The following ATP6V0A4 variants were observed in gnomAD, a reference collection of about 807,000 sequenced individuals.
The protein encoded by ATP6V0A4 is ATPase H+ transporting V0 subunit a4, also known as V-type proton ATPase 116 kDa subunit a 4.
Under a neutral mutation model 107.3 loss-of-function variants are expected in ATP6V0A4, and 86 were observed. The observed-to-expected ratio is 0.80, with a 90% CI of 0.67 to 0.96. ATP6V0A4 has a LOEUF of 0.96. ATP6V0A4 is among the 40% of genes least tolerant of loss of function. The pLI, the probability that ATP6V0A4 is intolerant of heterozygous loss-of-function variation, is 0.00. For missense variants in ATP6V0A4, 908 were observed against 1,045.6 expected, an observed-to-expected ratio of 0.87 and a Z score of 1.81; for synonymous variants, 353 against 381.4, an observed-to-expected ratio of 0.93 and a Z score of 0.87.
chr7:138,787,768 C>A (rs7801970), intron 1 of ATP6V0A4, among the ~76,000 whole-genome samples: 87,352 of 151,988 alleles, frequency 0.57, 25,431 homozygotes, highest in African/African-American at 0.64. Flanking sequence ...GAGACTGAGG[C>A]GGAAGGATCG....
At chr7:138,745,002 C>T (rs1182055211) in intron 14 of ATP6V0A4, 121 bp downstream of exon 14, 1 of 936,638 alleles carries the variant, frequency 1.1e-6, no homozygotes, top group East Asian at 2.4e-5. Context: ...TGAGCCTGGC[C>T]TATTTGAATT....
chr7:138,737,937 T>A (rs1166765751), intron 15 of ATP6V0A4, among the ~76,000 whole-genome samples: 1 of 151,934 alleles, frequency 6.6e-6, no homozygotes, highest in African/African-American at 2.4e-5. Context: ...AATTTCTGTA[T>A]TTTTAGTGGA....
intron 2 of ATP6V0A4, among the ~76,000 whole-genome samples, chr7:138,784,241 T>TATATATATATACATATATATATATAC (rs1808057984): frequency 2.5e-5 from 1 of 39,514 alleles, no homozygotes; most frequent in African/African-American, 7.5e-5. Flanking sequence ...TATACGTATA[T>TATATATATATACATATATATATATAC]ATATATATAT....
At chr7:138,707,310 T>TTA (rs1803478901) in intron 21 of ATP6V0A4, among the ~76,000 whole-genome samples, 2 of 88,956 alleles carry the variant, frequency 2.2e-5, no homozygotes, top group Non-Finnish European at 4.0e-5. Context: ...ATATTTATAT[T>TTA]TATTTATATT....
chr7:138,769,935 G>A (rs1229396098), intron 3 of ATP6V0A4, among the ~76,000 whole-genome samples: 4 of 151,934 alleles, frequency 2.6e-5, no homozygotes, highest in East Asian at 3.9e-4. Context: ...AAAATTAACC[G>A]AGCGTGGTGG....
rs1454591920 is a variant in ATP6V0A4 at position 138,728,941 on chromosome 7, T to C, written c.1909-79A>G. ...CTTTACGTGATGAAAATGACCACTA[T>C]GGGCCACTTCACTAGCACTTTATTT... is the stretch of plus-strand genomic sequence containing the variant. On this transcript the variant is annotated intron_variant, in intron 17 of 21. Transcript: ENST00000310018. The C allele has an allele frequency of 3.1e-6, 5 of 1,609,996 alleles. No individual in the cohort carries two copies. In the African/African-American group the frequency reaches 6.7e-5, roughly 21 times the overall value.
At chr7:138,767,692 G>A (rs1354799081) in intron 5 of ATP6V0A4, among the ~76,000 whole-genome samples, 1 of 150,050 alleles carries the variant, frequency 6.7e-6, no homozygotes, top group Non-Finnish European at 1.5e-5. Flanking sequence ...GCTAGGTGAA[G>A]CCTTGCCTAC....
intron 7 of ATP6V0A4, among the ~76,000 whole-genome samples, chr7:138,760,167 G>A (rs1806731268): frequency 6.6e-6 from 1 of 152,156 alleles, no homozygotes; most frequent in African/African-American, 2.4e-5. Context: ...AGAATGGCCA[G>A]GCGCCGTGGC....
At chr7:138,790,703 T>C (rs1162047309) in intron 1 of ATP6V0A4, among the ~76,000 whole-genome samples, 1 of 152,232 alleles carries the variant, frequency 6.6e-6, no homozygotes, top group African/African-American at 2.4e-5. Flanking sequence ...TATGCATTTT[T>C]GTGCTCATCT....
At chr7:138,729,318 G>A (rs569939953) in intron 17 of ATP6V0A4, among the ~76,000 whole-genome samples, 2 of 152,104 alleles carry the variant, frequency 1.3e-5, no homozygotes, top group East Asian at 1.9e-4. Context: ...GTATTCAACC[G>A]GTAATTTTAT....
At chr7:138,768,275 C>G (rs57341270) in intron 5 of ATP6V0A4, among the ~76,000 whole-genome samples, 16,746 of 152,048 alleles carry the variant, frequency 0.11, 1,162 homozygotes, top group East Asian at 0.36. Flanking sequence ...AGGAAATAGA[C>G]AAGGAAAGGA....
At chr7:138,708,927 A>T (rs1436522341) in intron 21 of ATP6V0A4, among the ~76,000 whole-genome samples, 1 of 152,072 alleles carries the variant, frequency 6.6e-6, no homozygotes, top group African/African-American at 2.4e-5. Flanking sequence ...TACAAAAATT[A>T]GTCAGGTGTG....
intron 14 of ATP6V0A4, 67 bp downstream of exon 14, chr7:138,745,056 C>A: frequency 7.0e-7 from 1 of 1,435,556 alleles, no homozygotes; most frequent in Admixed American, 1.7e-5. Flanking sequence ...ACTCCCCCAA[C>A]CATGAAAACA....
chr7:138,784,223 T>TATATATAC (rs1425542311), intron 2 of ATP6V0A4, among the ~76,000 whole-genome samples: 32 of 87,172 alleles, frequency 3.7e-4, no homozygotes, highest in African/African-American at 1.9e-3. Context: ...ATTATATATA[T>TATATATAC]ATATATATAT....
rs1049259040 is a variant in ATP6V0A4 at position 138,737,804 on chromosome 7, T to G, written c.1572+1736A>C. Among the ~76,000 whole-genome samples the G allele has an allele frequency of 2.0e-5, 3 of 146,694 alleles. No individual in the cohort carries two copies. The Admixed American group carries it at 2.1e-4, about 10-fold the overall frequency. Reference sequence around the variant, plus strand: ...GAGATGGGCTCTCACTCTGGTTGCCTAGGCTGGAGTGCAGTGGCATGATCT... The same window carrying G: ...GAGATGGGCTCTCACTCTGGTTGCCGAGGCTGGAGTGCAGTGGCATGATCT... On this transcript the variant is annotated intron_variant, in intron 15 of 21. Transcript: ENST00000310018.
intron 18 of ATP6V0A4, among the ~76,000 whole-genome samples, chr7:138,727,520 C>G (rs746958793): frequency 6.6e-6 from 1 of 152,068 alleles, no homozygotes; most frequent in Non-Finnish European, 1.5e-5. Flanking sequence ...GGAACGAGTT[C>G]GGACTGGCAT....
intron 6 of ATP6V0A4, 98 bp downstream of exon 6, chr7:138,762,802 A>T: frequency 7.3e-7 from 1 of 1,374,858 alleles, no homozygotes; most frequent in Non-Finnish European, 1.0e-6. Context: ...GAACAGAAAC[A>T]GAGTGATTTA....
intron 14 of ATP6V0A4, among the ~76,000 whole-genome samples, chr7:138,744,409 T>C (rs977660766): frequency 4.6e-5 from 7 of 152,106 alleles, no homozygotes; most frequent in African/African-American, 1.7e-4. Context: ...AGCTAATTTT[T>C]GTATTTTTAG....
intron 8 of ATP6V0A4, among the ~76,000 whole-genome samples, chr7:138,757,540 AC>A (rs1806574408): frequency 6.6e-6 from 1 of 152,098 alleles, no homozygotes; most frequent in African/African-American, 2.4e-5. Flanking sequence ...AAAAACAAAA[AC>A]AAAAACTATT....
Sources: allele counts gnomAD v4.1 joint callset (sites outside exome capture counted in the v4.1 genomes callset), GRCh38; gene constraint gnomAD v4.1.1; transcripts MANE v1.5; gene names NCBI Gene and HGNC (gene_info 2026-07-23, HGNC 2026-07-21).